CPVL: variants seen among roughly 807,000 people sequenced by gnomAD.
CPVL encodes the protein carboxypeptidase vitellogenic like, also known as probable serine carboxypeptidase CPVL.
Under a neutral mutation model 63.7 loss-of-function variants are expected in CPVL, and 51 were observed. The observed-to-expected ratio is 0.80, with a 90% CI of 0.64 to 1.01. The LOEUF is 1.01. Among genes scored for constraint, CPVL ranks in the 50% least tolerant of loss-of-function variants. The pLI is 0.00. For missense variants in CPVL, 530 were observed against 573.1 expected, an observed-to-expected ratio of 0.92 and a Z score of 0.77; for synonymous variants, 195 against 206.0, an observed-to-expected ratio of 0.95 and a Z score of 0.46.
chr7:28,995,842 TG>T lies in CPVL; in HGVS notation c.1360del (p.Gln454SerfsTer3). On this transcript the variant is annotated frameshift_variant, in exon 13 of 13. Coordinates refer to ENST00000265394, the MANE Select transcript of CPVL (RefSeq NM_031311.5). LOFTEE classifies it high-confidence loss of function. ...AATCATGTCAAAAGCTCTCAGAGGC[TG>T]GTCATAGGGTAAAATATGTCCTCCA... ...RGGGHILPYD[Q>X]PLRAFDMINR... The T allele has an allele frequency of 6.2e-7, 1 of 1,606,738 alleles. No homozygotes were observed. The highest frequency in any genetic ancestry group is 8.5e-7 in the Non-Finnish European group (1 of 1,178,126).
chr7:29,185,769 C>T (rs1311162382), intron 2 of CPVL, among the ~76,000 whole-genome samples: 1 of 152,140 alleles, frequency 6.6e-6, no homozygotes, highest in Non-Finnish European at 1.5e-5. Flanking sequence ...CTTTATTATT[C>T]AAAATTATTC....
At chr7:29,193,059 T>A (rs1272171157) in intron 1 of CPVL, 2 of 152,134 alleles carry the variant, frequency 1.3e-5, no homozygotes, top group African/African-American at 4.8e-5. Context: ...TGAAGGATAG[T>A]GGTAGGGGCT....
intron 7 of CPVL, among the ~76,000 whole-genome samples, chr7:29,084,750 A>G (rs1339704356): frequency 6.6e-6 from 1 of 152,256 alleles, no homozygotes; most frequent in Non-Finnish European, 1.5e-5. Context: ...CCCTTAAAAA[A>G]TAGAATTCTT....
intron 1 of CPVL, among the ~76,000 whole-genome samples, chr7:29,141,913 T>C (rs967587426): frequency 1.3e-4 from 17 of 127,386 alleles, no homozygotes; most frequent in Non-Finnish European, 2.3e-4. Context: ...AGACACCATC[T>C]CAAAAAAAAA....
chr7:29,157,411 A>G (rs1344612901), intron 5 of CPVL, among the ~76,000 whole-genome samples: 1 of 151,578 alleles, frequency 6.6e-6, no homozygotes, highest in Non-Finnish European at 1.5e-5. Context: ...CTATATTTAG[A>G]ACTTCTCTAG....
At chr7:29,006,500 T>TTCTA (rs1213473808) in intron 12 of CPVL, among the ~76,000 whole-genome samples, 2 of 152,116 alleles carry the variant, frequency 1.3e-5, no homozygotes, top group Non-Finnish European at 2.9e-5. Context: ...CCTCACTGAG[T>TTCTA]TCTAGTATAA....
chr7:29,144,388 C>T (rs1396578236), intron 1 of CPVL, among the ~76,000 whole-genome samples: 1 of 152,082 alleles, frequency 6.6e-6, no homozygotes, highest in Non-Finnish European at 1.5e-5. Flanking sequence ...TGGCAAAACC[C>T]CATCTCTACC....
chr7:29,017,666 A>G (rs889595620), intron 12 of CPVL, among the ~76,000 whole-genome samples: 3 of 152,052 alleles, frequency 2.0e-5, no homozygotes, highest in African/African-American at 7.2e-5. Context: ...AAAAACCCCA[A>G]TCTTCTCTCT....
chr7:29,195,112 C>CA (rs1214110645), exon 1 of CPVL: 2 of 1,066,016 alleles, frequency 1.9e-6, no homozygotes, highest in East Asian at 6.1e-5. Context: ...GGAATGGGGG[C>CA]AGGCGTCCGG....
chr7:29,102,477 C>T (rs1337273228), intron 3 of CPVL, among the ~76,000 whole-genome samples: 1 of 152,098 alleles, frequency 6.6e-6, no homozygotes, highest in Non-Finnish European at 1.5e-5. Flanking sequence ...GTAATTCCCT[C>T]ATACTACATA....
At chr7:29,186,251 G>C (rs1286842001) in intron 2 of CPVL, among the ~76,000 whole-genome samples, 1 of 147,784 alleles carries the variant, frequency 6.8e-6, no homozygotes, top group Admixed American at 6.6e-5. Flanking sequence ...TTATGTTTTA[G>C]GCAAAAAAAA....
At chr7:29,146,619 G>A (rs1290729134), upstream of CPVL, 1 of 1,550,374 alleles carries the variant, frequency 6.5e-7, no homozygotes, top group African/African-American at 1.4e-5. Context: ...GTGCGTCGTC[G>A]TGTCCCAACC....
intron 1 of CPVL, among the ~76,000 whole-genome samples, chr7:29,187,552 C>T (rs567806940): frequency 7.2e-5 from 11 of 152,030 alleles, no homozygotes; most frequent in East Asian, 3.9e-4. Flanking sequence ...GGAGAAACCC[C>T]GTCTCTACTA....
chr7:29,184,151 TGATAGATAGATA>T (rs56102038), intron 4 of CPVL, among the ~76,000 whole-genome samples: 15,871 of 143,314 alleles, frequency 0.11, 932 homozygotes, highest in Non-Finnish European at 0.13. Flanking sequence ...TACAGATAGA[TGATAGATAGATA>T]GATAGATAGA....
At chr7:29,189,666 A>ACT (rs902398630) in intron 1 of CPVL, among the ~76,000 whole-genome samples, 2 of 146,222 alleles carry the variant, frequency 1.4e-5, no homozygotes, top group African/African-American at 2.5e-5. Context: ...AGAAAGAAAA[A>ACT]CTCTCTCTCT....
intron 12 of CPVL, among the ~76,000 whole-genome samples, chr7:29,022,378 A>C (rs1197859517): frequency 6.6e-6 from 1 of 151,976 alleles, no homozygotes; most frequent in East Asian, 1.9e-4. Flanking sequence ...CACATACATC[A>C]TCAAAGTGCC....
chr7:29,128,513 T>C (rs1247016233), intron 1 of CPVL, among the ~76,000 whole-genome samples: 1 of 151,830 alleles, frequency 6.6e-6, no homozygotes, highest in Non-Finnish European at 1.5e-5. Flanking sequence ...GTCAAGAGTT[T>C]AAGATCAGCC....
chr7:29,109,871 A>G lies in CPVL; in HGVS notation c.288+2833T>C, dbSNP rs1486403441. On this transcript the variant is annotated intron_variant, in intron 3 of 12. Transcript: ENST00000265394. ...TAATTAAGGGGAAAAAGCAAAAACC[A>G]ACAGTCCAGTCATTGTTTAATGAAG... Among the ~76,000 whole-genome samples, 3 of 152,346 alleles carry G rather than the reference A, an allele frequency of 2.0e-5. No individual in the cohort carries two copies. In the East Asian group the frequency reaches 5.8e-4, roughly 29 times the overall value.
chr7:29,105,040 GATAA>G (rs1379571253), intron 3 of CPVL, among the ~76,000 whole-genome samples: 2 of 152,156 alleles, frequency 1.3e-5, no homozygotes, highest in African/African-American at 2.4e-5. Flanking sequence ...GCAAAGAGAA[GATAA>G]ATAGAGTCAG....
Sources: allele counts gnomAD v4.1 joint callset (sites outside exome capture counted in the v4.1 genomes callset), GRCh38; gene constraint gnomAD v4.1.1; transcripts MANE v1.5; gene names NCBI Gene and HGNC (gene_info 2026-07-23, HGNC 2026-07-21).